MGAT5: variants seen among roughly 807,000 people sequenced by gnomAD.
The protein encoded by MGAT5 is alpha-1,6-mannosylglycoprotein 6-beta-N-acetylglucosaminyltransferase, also known as alpha-1,6-mannosylglycoprotein 6-beta-N-acetylglucosaminyltransferase A.
A neutral mutation model predicts 94.3 loss-of-function variants in MGAT5; 30 were observed. That is an observed-to-expected ratio of 0.32 (90% CI 0.24 to 0.43). The LOEUF (loss-of-function observed/expected upper bound fraction) is 0.43, where lower values mean the gene tolerates loss of function less well. MGAT5 is among the 20% of genes least tolerant of loss of function. The probability of loss-of-function intolerance (pLI) is 1.00; values close to 1 mark genes in which losing one functional copy is unlikely to be tolerated. For missense variants in MGAT5, 691 were observed against 905.5 expected, an observed-to-expected ratio of 0.76 and a Z score of 3.04; for synonymous variants, 310 against 322.9, an observed-to-expected ratio of 0.96 and a Z score of 0.43.
intron 1 of MGAT5, among the ~76,000 whole-genome samples, chr2:134,120,572 C>G (rs1198240373): frequency 6.6e-6 from 1 of 151,918 alleles, no homozygotes; most frequent in East Asian, 2.0e-4. Context: ...GGCTGAACCC[C>G]CCCCGCCCCG....
At chr2:134,415,821 A>T (rs571367597) in intron 12 of MGAT5, among the ~76,000 whole-genome samples, 2 of 152,238 alleles carry the variant, frequency 1.3e-5, no homozygotes, top group East Asian at 3.9e-4. Flanking sequence ...ATTTGATTTC[A>T]TTCTTATGCT....
intron 14 of MGAT5, among the ~76,000 whole-genome samples, chr2:134,439,696 C>CA (rs1685371957): frequency 6.6e-6 from 1 of 151,684 alleles, no homozygotes; most frequent in South Asian, 2.1e-4. Flanking sequence ...GACTTCGTCT[C>CA]AAAAATATAT....
rs116629222 is a variant in MGAT5, at chr2:134,152,470, C to T, written c.-143+32179C>T. On this transcript the variant is annotated intron_variant, in intron 1 of 16. Transcript: ENST00000409645. ...TGGGACCCGTCCACTGCCATGGGAC[C>T]TCACTCACTCATCCCCTGTGGGACC... 9.5e-3 allele frequency among the ~76,000 whole-genome samples: 1,443 copies of T among 151,964 alleles called. 25 individuals are homozygous for T. The highest frequency in any genetic ancestry group is 0.033 in the African/African-American group (1,369 of 41,330).
intron 9 of MGAT5, among the ~76,000 whole-genome samples, chr2:134,352,967 C>T (rs189404144): frequency 7.2e-4 from 109 of 152,210 alleles, no homozygotes; most frequent in African/African-American, 2.6e-3. Flanking sequence ...GGATGAATAC[C>T]ATATGATTCC....
chr2:134,314,649 C>T (rs1167568411), intron 2 of MGAT5, among the ~76,000 whole-genome samples: 1 of 152,152 alleles, frequency 6.6e-6, no homozygotes, highest in African/African-American at 2.4e-5. Context: ...AAAATCCTGA[C>T]TAGGCTTGGG....
intron 1 of MGAT5, among the ~76,000 whole-genome samples, chr2:134,259,333 A>G (rs933215160): frequency 1.3e-5 from 2 of 152,128 alleles, no homozygotes; most frequent in African/African-American, 2.4e-5. Context: ...AGTCAATGCT[A>G]TTCTTGTTTC....
intron 1 of MGAT5, among the ~76,000 whole-genome samples, chr2:134,159,188 CGTGTGTGTGTGTGT>C (rs138643972): frequency 3.5e-5 from 5 of 144,010 alleles, no homozygotes; most frequent in Non-Finnish European, 6.1e-5. Flanking sequence ...GGTCTAAATT[CGTGTGTGTGTGTGT>C]GTGTGTGTGT....
intron 2 of MGAT5, among the ~76,000 whole-genome samples, chr2:134,275,747 C>T (rs1212943161): frequency 2.0e-5 from 3 of 151,746 alleles, no homozygotes; most frequent in African/African-American, 7.3e-5. Context: ...TCATGCCCGG[C>T]AAATTCTTTT....
At chr2:134,365,113 A>G (rs907241775) in intron 10 of MGAT5, among the ~76,000 whole-genome samples, 1 of 152,124 alleles carries the variant, frequency 6.6e-6, no homozygotes, top group Non-Finnish European at 1.5e-5. Flanking sequence ...TAGGATTGCA[A>G]CTGGAGGATG....
chr2:134,159,177 T>C (rs950110174), intron 1 of MGAT5, among the ~76,000 whole-genome samples: 1 of 138,788 alleles, frequency 7.2e-6, no homozygotes, highest in African/African-American at 2.7e-5. Context: ...TGGAGAACAC[T>C]GGTCTAAATT....
chr2:134,390,063 A>G (rs1017229455), intron 10 of MGAT5, among the ~76,000 whole-genome samples: 1 of 151,820 alleles, frequency 6.6e-6, no homozygotes, highest in Non-Finnish European at 1.5e-5. Flanking sequence ...TTTGTTTTTG[A>G]TTGTTGGAGC....
intron 1 of MGAT5, among the ~76,000 whole-genome samples, chr2:134,151,159 C>T (rs1165244294): frequency 6.6e-6 from 1 of 151,788 alleles, no homozygotes; most frequent in Non-Finnish European, 1.5e-5. Flanking sequence ...CTCACTCACG[C>T]CCTGTGGGAC....
At chr2:134,145,726 T>C (rs1376124071) in intron 1 of MGAT5, among the ~76,000 whole-genome samples, 3 of 152,218 alleles carry the variant, frequency 2.0e-5, no homozygotes, top group Non-Finnish European at 4.4e-5. Context: ...GCTTAACCTC[T>C]CTGATTTCCA....
At chr2:134,252,639 T>G (rs1447979797), upstream of MGAT5, among the ~76,000 whole-genome samples, 1 of 152,164 alleles carries the variant, frequency 6.6e-6, no homozygotes, top group East Asian at 1.9e-4. Context: ...GGGACCACAT[T>G]TGGAGAACCA....
At chr2:134,177,883 G>A (rs1229000758) in intron 1 of MGAT5, among the ~76,000 whole-genome samples, 1 of 152,126 alleles carries the variant, frequency 6.6e-6, no homozygotes, top group South Asian at 2.1e-4. Flanking sequence ...AGTAGTGCTC[G>A]GTTCTCAAAA....
At chr2:134,278,765 C>T (rs1310716550) in intron 2 of MGAT5, among the ~76,000 whole-genome samples, 1 of 152,216 alleles carries the variant, frequency 6.6e-6, no homozygotes, top group African/African-American at 2.4e-5. Flanking sequence ...AAACCCCTGC[C>T]TGCAGTTTAT....
chr2:134,179,978 G>A (rs1014590593), intron 1 of MGAT5, among the ~76,000 whole-genome samples: 1 of 152,146 alleles, frequency 6.6e-6, no homozygotes, highest in Non-Finnish European at 1.5e-5. Flanking sequence ...CACTACAGGC[G>A]AATAATAATG....
chr2:134,357,194 G>A (rs1446860686), intron 9 of MGAT5, among the ~76,000 whole-genome samples: 1 of 152,160 alleles, frequency 6.6e-6, no homozygotes, highest in African/African-American at 2.4e-5. Context: ...ATGTAGGGAA[G>A]GAGACTGTTG....
At chr2:134,160,705 G>T (rs1046164633) in intron 1 of MGAT5, among the ~76,000 whole-genome samples, 8 of 152,246 alleles carry the variant, frequency 5.3e-5, no homozygotes, top group African/African-American at 1.9e-4. Flanking sequence ...TGTAGGTGCT[G>T]TGTAGGGTTT....
Sources: gnomAD v4.1 joint callset for allele counts (sites outside exome capture counted in the v4.1 genomes callset) on GRCh38, gnomAD v4.1.1 for gene constraint, MANE v1.5 for transcripts, NCBI Gene and HGNC (gene_info 2026-07-23, HGNC 2026-07-21) for gene names.